The following AP2B1 variants were observed in gnomAD, a reference collection of about 807,000 sequenced individuals.
AP2B1 encodes the protein AP-2 complex subunit beta.
AP2B1 carries 23 observed loss-of-function variants against 102.0 expected under a neutral mutation model. The observed-to-expected ratio is 0.23, with a 90% CI of 0.16 to 0.32. AP2B1 has a LOEUF of 0.32. AP2B1 is among the 10% of genes least tolerant of loss of function. The pLI is 1.00. For synonymous variants in AP2B1, 381 were observed against 421.2 expected, an observed-to-expected ratio of 0.90 and a Z score of 1.17; for missense variants, 541 against 1,157.4, an observed-to-expected ratio of 0.47 and a Z score of 7.73.
chr17:35,685,916 C>T (rs1381829353), intron 18 of AP2B1, among the ~76,000 whole-genome samples: 1 of 152,094 alleles, frequency 6.6e-6, no homozygotes, highest in Admixed American at 6.6e-5. Flanking sequence ...CACCTGCCAC[C>T]ACACCCAGCT....
At chr17:35,717,439 G>C (rs1277670732) in intron 21 of AP2B1, 90 bp downstream of exon 21, 1 of 1,452,782 alleles carries the variant, frequency 6.9e-7, no homozygotes, top group East Asian at 2.3e-5. Context: ...AAGACCTGGA[G>C]GAGGTGCTTT....
intron 3 of AP2B1, among the ~76,000 whole-genome samples, chr17:35,600,299 T>A (rs1309334105): frequency 6.6e-6 from 1 of 152,050 alleles, no homozygotes; most frequent in Non-Finnish European, 1.5e-5. Context: ...GCCAGGCTGG[T>A]CTCGAACTCC....
At chr17:35,591,472 CA>C (rs1378510851) in intron 1 of AP2B1, among the ~76,000 whole-genome samples, 2 of 151,766 alleles carry the variant, frequency 1.3e-5, no homozygotes, top group African/African-American at 2.4e-5. Context: ...CGTGCCTGGC[CA>C]AAAAAAATTT....
intron 2 of AP2B1, among the ~76,000 whole-genome samples, chr17:35,596,188 T>G (rs1227411927): frequency 6.6e-6 from 1 of 152,214 alleles, no homozygotes; most frequent in African/African-American, 2.4e-5. Context: ...CTATAACACC[T>G]GCTGCTGTTC....
At chr17:35,664,004 C>G (rs1351398756) in intron 14 of AP2B1, among the ~76,000 whole-genome samples, 1 of 152,116 alleles carries the variant, frequency 6.6e-6, no homozygotes, top group Non-Finnish European at 1.5e-5. Flanking sequence ...AGTAGTCCTC[C>G]CACCTCAGCC....
At chr17:35,656,322 A>G (rs2075218512) in intron 13 of AP2B1, among the ~76,000 whole-genome samples, 1 of 152,140 alleles carries the variant, frequency 6.6e-6, no homozygotes, top group Non-Finnish European at 1.5e-5. Context: ...ACCCAGCACC[A>G]TTTATTGAAA....
chr17:35,626,815 G>C lies in AP2B1; in HGVS notation c.911G>C (p.Arg304Thr). The C allele has an allele frequency of 6.2e-7, 1 of 1,613,846 alleles. No homozygotes were observed. The highest frequency in any genetic ancestry group is 8.5e-7 in the Non-Finnish European group (1 of 1,179,964). The change falls in exon 7 of 22, where the codon AGG becomes ACG. Residue 304 changes from arginine (R) to threonine (T), a missense_variant. This residue lies in a region of AP2B1 where 134 missense variants were observed against 250.2 expected (regional missense o/e 0.54). Coordinates refer to ENST00000610402, the MANE Select transcript of AP2B1 (RefSeq NM_001030006.2). ...GEPEVQYVAL[R>T]NINLIVQKRP... The stretch of plus-strand genomic sequence containing the variant: ...CCAGAAGTGCAGTATGTCGCCCTGA[G>C]GAACATCAACTTAATTGTCCAGAAA...
At chr17:35,689,642 G>A (rs983217062) in intron 18 of AP2B1, among the ~76,000 whole-genome samples, 2 of 152,034 alleles carry the variant, frequency 1.3e-5, no homozygotes, top group Non-Finnish European at 2.9e-5. Context: ...ATATTATGGT[G>A]GGTTGATAGC....
At position 35,608,261 on chromosome 17, in the gene AP2B1, G is replaced by A. The variant is rs748426366; in HGVS notation, c.399G>A (p.Glu133=). The part of the protein sequence containing the change: ...CEPLRKCLKD[E]DPYVRKTAAV... ...CGCTCCGCAAGTGCTTGAAGGATGA[G>A]GATCCCTATGTTCGGAAAACAGCAG... Residue 133 remains glutamate (E), a synonymous_variant, in exon 5 of 22, where the codon GAG becomes GAA. Transcript: ENST00000610402. The A allele has an allele frequency of 2.5e-6, 4 of 1,614,168 alleles. No homozygotes were observed. In the South Asian group the frequency reaches 3.3e-5, roughly 13 times the overall value.
In AP2B1 at chr17:35,723,877, T is replaced by A. The variant is rs1167044378; in HGVS notation, c.*178T>A. ...AACCTGTTGGATAGTTTTAGCTTCC[T>A]GTGAACATTTGTAACCACTGCTTCA... On this transcript the variant is annotated 3_prime_UTR_variant, in exon 22 of 22. Coordinates refer to ENST00000610402, the MANE Select transcript of AP2B1 (RefSeq NM_001030006.2). 1.9e-6 allele frequency: 1 copy of A among 516,036 alleles called. No homozygotes were observed. The highest frequency in any genetic ancestry group is 3.0e-5 in the Admixed American group (1 of 32,936). The allele number at this position is 516,036 out of a possible 1,614,324, so 32.0% of individuals were successfully genotyped here. A position where few individuals can be genotyped will look rare whatever the true frequency, so the allele number is the denominator to read the frequency against.
rs1307672320 is a variant in AP2B1 at position 35,725,862 on chromosome 17, C to G, written c.*2163C>G. 2 of 152,350 alleles carry G rather than the reference C, an allele frequency of 1.3e-5. No individual in the cohort carries two copies. The highest frequency in any genetic ancestry group is 4.8e-5 in the African/African-American group (2 of 41,454). The allele number at this position is 152,350 out of a possible 1,614,324, so 9.4% of individuals were successfully genotyped here. On this transcript the variant is annotated 3_prime_UTR_variant, in exon 22 of 22. Coordinates refer to ENST00000610402, the MANE Select transcript of AP2B1 (RefSeq NM_001030006.2). ...CCCGAAACAAGGCTTCTCTCAGCCT[C>G]CCCACCAGTGATGGATAACAGCTCC... is the stretch of plus-strand genomic sequence containing the variant.
intron 17 of AP2B1, among the ~76,000 whole-genome samples, chr17:35,676,388 G>A (rs918110017): frequency 2.0e-5 from 3 of 151,968 alleles, no homozygotes; most frequent in Admixed American, 6.6e-5. Context: ...ACATAATATG[G>A]AATCTTGTAT....
At chr17:35,640,398 A>G (rs1168515218) in intron 11 of AP2B1, among the ~76,000 whole-genome samples, 3 of 141,652 alleles carry the variant, frequency 2.1e-5, no homozygotes, top group African/African-American at 7.9e-5. Context: ...CATCACTCCC[A>G]ACTAATTTTT....
intron 21 of AP2B1, among the ~76,000 whole-genome samples, chr17:35,719,359 C>CAA (rs79483329): frequency 1.4e-5 from 2 of 143,044 alleles, no homozygotes; most frequent in African/African-American, 2.5e-5. Flanking sequence ...TCTGTCACCA[C>CAA]AAAAAAAAAA....
intron 20 of AP2B1, among the ~76,000 whole-genome samples, chr17:35,716,806 G>C (rs226432): frequency 6.6e-6 from 1 of 152,050 alleles, no homozygotes; most frequent in East Asian, 1.9e-4. Flanking sequence ...TCCAGAAACA[G>C]ATACCAACAT....
At chr17:35,723,064 G>T (rs2085449363) in intron 21 of AP2B1, among the ~76,000 whole-genome samples, 1 of 152,200 alleles carries the variant, frequency 6.6e-6, no homozygotes, top group African/African-American at 2.4e-5. Flanking sequence ...GTTATACTAA[G>T]TAAGTGTCTT....
intron 18 of AP2B1, among the ~76,000 whole-genome samples, chr17:35,708,632 T>C (rs1453716963): frequency 6.6e-6 from 1 of 152,092 alleles, no homozygotes; most frequent in African/African-American, 2.4e-5. Context: ...GGAAATAAGG[T>C]TTTATAAAAG....
chr17:35,663,952 A>G (rs555576214), intron 14 of AP2B1, among the ~76,000 whole-genome samples: 1 of 152,310 alleles, frequency 6.6e-6, no homozygotes, highest in South Asian at 2.1e-4. Context: ...TTATTTATTT[A>G]TTTAAAGACA....
chr17:35,694,728 A>G (rs1041891895), intron 18 of AP2B1, among the ~76,000 whole-genome samples: 1 of 152,256 alleles, frequency 6.6e-6, no homozygotes, highest in Admixed American at 6.5e-5. Context: ...CAAAAATACA[A>G]AAAAGTTAGC....
Sources: gnomAD v4.1 joint callset for allele counts (sites outside exome capture counted in the v4.1 genomes callset) on GRCh38, gnomAD v4.1.1 for gene constraint, gnomAD v4.1.1 regional missense constraint, MANE v1.5 for transcripts, NCBI Gene and HGNC (gene_info 2026-07-23, HGNC 2026-07-21) for gene names.